The following ZNF780B variants were observed in gnomAD, a reference collection of about 807,000 sequenced individuals.
ZNF780B encodes zinc finger protein 779.
A neutral mutation model predicts 74.1 loss-of-function variants in ZNF780B; 52 were observed. That is an observed-to-expected ratio of 0.70 (90% confidence interval 0.56 to 0.88). The LOEUF (loss-of-function observed/expected upper bound fraction) is 0.88. Among genes scored for constraint, ZNF780B ranks in the 40% least tolerant of loss-of-function variants. ZNF780B has a pLI of 0.00. For synonymous variants in ZNF780B, 315 were observed against 324.3 expected, an observed-to-expected ratio of 0.97 and a Z score of 0.31; for missense variants, 953 against 1,007.6, an observed-to-expected ratio of 0.95 and a Z score of 0.73.
chr19:40,036,105 T>C lies in ZNF780B; in HGVS notation c.754A>G (p.Lys252Glu), dbSNP rs1972292437. 6.2e-7 allele frequency: 1 copy of C among 1,613,558 alleles called. No homozygotes were observed. Among genetic ancestry groups the C allele is most frequent in the Non-Finnish European group, 8.5e-7 (1 of 1,179,810 alleles). Residue 252 changes from lysine to glutamate, a missense_variant, in exon 5 of 5, where the codon AAG becomes GAG. Lys to Glu is a moderately conservative substitution (Grantham distance 56). Transcript: ENST00000434248. ...CGATTAAAAGACTTCCCACATTCCT[T>C]ACATTCAAACAGTTTCTTAACTGTG... ...IHTVKKLFEC[K>E]ECGKSFNRSS...
chr19:40,040,702 G>A (rs551310920), intron 4 of ZNF780B, among the ~76,000 whole-genome samples: 1 of 152,226 alleles, frequency 6.6e-6, no homozygotes, highest in East Asian at 1.9e-4. Context: ...TTGTGTAGAG[G>A]TGTTTGTAGT....
chr19:40,034,952 G>A lies in ZNF780B; in HGVS notation c.1907C>T (p.Thr636Ile), dbSNP rs375274140. The A allele has an allele frequency of 1.9e-6, 3 of 1,613,980 alleles. No homozygotes were observed. The African/African-American group carries it at 4.0e-5, about 22-fold the overall frequency. ...TQLNHHKNIH[T>I]GEKPFKCKEC... is the part of the protein sequence containing the mutation. ...TTTACATTTAAATGGCTTCTCACCTGTGTGAATGTTCTTATGGTGATTAAG... is the reference window on the plus strand; with the variant it reads ...TTTACATTTAAATGGCTTCTCACCTATGTGAATGTTCTTATGGTGATTAAG... The change falls in exon 5 of 5, where the codon ACA (threonine) becomes ATA (isoleucine). Residue 636 changes from threonine (T) to isoleucine (I), a missense_variant. Coordinates refer to ENST00000434248, the MANE Select transcript of ZNF780B (RefSeq NM_001005851.3).
rs75617535 is a variant in ZNF780B, at chr19:40,052,622, T to C, written c.-45-2245A>G. Among the ~76,000 whole-genome samples the C allele has an allele frequency of 4.5e-3, 681 of 150,234 alleles. 7 individuals carry two copies. Among genetic ancestry groups the C allele is most frequent in the African/African-American group, 0.016 (654 of 41,050 alleles). On this transcript the variant is annotated intron_variant, in intron 1 of 4. Coordinates refer to ENST00000434248, the MANE Select transcript of ZNF780B (RefSeq NM_001005851.3). ...TGCATAGAACCACAAAAGACCCAAATAGCCAAAGCAGTCTGGAGCAAAAAG... is the reference window on the plus strand; with the variant it reads ...TGCATAGAACCACAAAAGACCCAAACAGCCAAAGCAGTCTGGAGCAAAAAG...
At chr19:40,041,446 A>G (rs904115548) in intron 4 of ZNF780B, among the ~76,000 whole-genome samples, 1 of 152,026 alleles carries the variant, frequency 6.6e-6, no homozygotes, top group Non-Finnish European at 1.5e-5. Context: ...GCTGAGTTCA[A>G]TTTCTGGGTA....
intron 3 of ZNF780B, among the ~76,000 whole-genome samples, chr19:40,048,150 GTT>G (rs1973020621): frequency 6.6e-6 from 1 of 152,218 alleles, no homozygotes; most frequent in Admixed American, 6.5e-5. Context: ...GCTCTGTTTT[GTT>G]TTGTTTTTTT....
chr19:40,035,346 CTT>C lies in ZNF780B; in HGVS notation c.1511_1512del (p.Lys504ArgfsTer22). On this transcript the variant is annotated frameshift_variant, in exon 5 of 5. Transcript: ENST00000434248. LOFTEE classifies it high-confidence loss of function. ...CCACGATTGAAGGCCTTCCCACAGT[CTT>C]TACATTCAAATGGTTTCTCACCAGT... ...IHTGEKPFECKDCGKAFNRGS... is the reference protein window; with the variant it reads ...IHTGEKPFECXDCGKAFNRGS... 1 of 1,614,138 alleles carries C rather than the reference CTT, an allele frequency of 6.2e-7. No individual in the cohort carries two copies. The highest frequency in any genetic ancestry group is 1.1e-5 in the South Asian group (1 of 91,080).
Position 40,032,445 on chromosome 19 carries a change from A to C in ZNF780B, c.*1912T>G. On this transcript the variant is annotated 3_prime_UTR_variant, in exon 5 of 5. Coordinates refer to ENST00000434248, the MANE Select transcript of ZNF780B (RefSeq NM_001005851.3). ...GAAAATGAATAGCTGTAGGCCAGGCATGCTGGCTCATGCCTGTAATCCCAG... is the reference window on the plus strand; with the variant it reads ...GAAAATGAATAGCTGTAGGCCAGGCCTGCTGGCTCATGCCTGTAATCCCAG... 2 of 327,316 alleles carry C rather than the reference A, an allele frequency of 6.1e-6. No homozygotes were observed. Among genetic ancestry groups the C allele is most frequent in the Non-Finnish European group, 1.2e-5 (2 of 171,414 alleles). The allele number at this position is 327,316 out of a possible 1,614,324, so 20.3% of individuals were successfully genotyped here.
chr19:40,045,513 C>T (rs923161806), intron 4 of ZNF780B, among the ~76,000 whole-genome samples: 2 of 152,138 alleles, frequency 1.3e-5, no homozygotes, highest in South Asian at 4.1e-4. Flanking sequence ...AAAATGATAC[C>T]TGCACTTGTA....
Position 40,048,719 on chromosome 19 carries a change from G to T in ZNF780B, c.87C>A (p.Thr29=), listed in dbSNP as rs1286790138. Residue 29 remains threonine, a synonymous_variant, in exon 3 of 5, where the codon ACC becomes ACA. Transcript: ENST00000434248. ...TCTCCAACATCACATCCCTGTACAA[G>T]GTCCTCTGATCAGGCTGCAGGCACT... ...EWECLQPDQR[T]LYRDVMLENY... 1.9e-6 allele frequency: 3 copies of T among 1,614,040 alleles called. No homozygotes were observed. In the Admixed American group the frequency reaches 5.0e-5, roughly 27 times the overall value.
intron 2 of ZNF780B, 179 bp from the exon 3 acceptor site, chr19:40,048,975 G>A: frequency 1.0e-6 from 1 of 991,896 alleles, no homozygotes; most frequent in Non-Finnish European, 1.4e-6. Flanking sequence ...TGTTATACCA[G>A]CACTTTGGGA....
intron 1 of ZNF780B, among the ~76,000 whole-genome samples, chr19:40,051,219 C>G (rs1270637767): frequency 6.7e-6 from 1 of 148,868 alleles, no homozygotes; most frequent in African/African-American, 2.6e-5. Context: ...TATTCACACA[C>G]ACACACACAC....
rs61730564 is a variant in ZNF780B, at chr19:40,035,159, C to T, written c.1700G>A (p.Arg567His). 15,885 of 1,613,652 alleles carry T rather than the reference C, an allele frequency of 9.8e-3. 98 individuals carry two copies. The highest frequency in any genetic ancestry group is 0.011 in the Non-Finnish European group (13,207 of 1,179,790). The change falls in exon 5 of 5, where the codon CGT becomes CAT. Residue 567 changes from arginine (R) to histidine (H), a missense_variant. By Grantham distance (29) the Arg-to-His change is conservative. Coordinates refer to ENST00000434248, the MANE Select transcript of ZNF780B (RefSeq NM_001005851.3). ...ATGTTGATTAAGATTTGAACCACGACGAAAGAATTTCCCACATTCCTTACA... is the reference window on the plus strand; with the variant it reads ...ATGTTGATTAAGATTTGAACCACGATGAAAGAATTTCCCACATTCCTTACA... The part of the protein sequence containing the change: ...FECKECGKFF[R>H]RGSNLNQHRS...
At chr19:40,041,818 T>G (rs1421918351) in intron 4 of ZNF780B, among the ~76,000 whole-genome samples, 1 of 152,224 alleles carries the variant, frequency 6.6e-6, no homozygotes, top group East Asian at 1.9e-4. Flanking sequence ...GTGAGGTGGG[T>G]TTCCTGAATA....
intron 4 of ZNF780B, among the ~76,000 whole-genome samples, chr19:40,046,503 G>A (rs1489823023): frequency 6.6e-6 from 1 of 152,120 alleles, no homozygotes; most frequent in South Asian, 2.1e-4. Flanking sequence ...CTTTCTTCCC[G>A]CTGTTCCATT....
At chr19:40,041,442 T>C (rs1043932836) in intron 4 of ZNF780B, among the ~76,000 whole-genome samples, 28 of 152,212 alleles carry the variant, frequency 1.8e-4, no homozygotes, top group South Asian at 4.1e-4. Flanking sequence ...CAGAGCTGAG[T>C]TCAATTTCTG....
Position 40,029,520 on chromosome 19 carries a change from G to T in ZNF780B, c.*4837C>A, listed in dbSNP as rs1409190896. The T allele has an allele frequency of 6.5e-6, 1 of 154,812 alleles. No individual in the cohort carries two copies. Among genetic ancestry groups the T allele is most frequent in the Non-Finnish European group, 1.5e-5 (1 of 68,216 alleles). 9.6% of individuals were successfully genotyped at this position (154,812 alleles called of 1,614,324 possible). ...GCAAACAAGAGCAGATCATAGAAAT[G>T]TAAGTTGAGAAAATTCAGAGGGAAC... On this transcript the variant is annotated 3_prime_UTR_variant, in exon 5 of 5. Coordinates refer to ENST00000434248, the MANE Select transcript of ZNF780B (RefSeq NM_001005851.3).
At chr19:40,037,893 T>A (rs1313545353) in intron 4 of ZNF780B, among the ~76,000 whole-genome samples, 3 of 149,542 alleles carry the variant, frequency 2.0e-5, no homozygotes, top group Non-Finnish European at 1.5e-5. Flanking sequence ...TTTTTTTCTG[T>A]TTATATATAT....
At chr19:40,044,635 G>T (rs1213918314) in intron 4 of ZNF780B, among the ~76,000 whole-genome samples, 1 of 152,184 alleles carries the variant, frequency 6.6e-6, no homozygotes, top group East Asian at 1.9e-4. Context: ...CCTACACCTA[G>T]AAGTGAAAGG....
Position 40,034,617 on chromosome 19 carries a change from T to C in ZNF780B, c.2242A>G (p.Thr748Ala), listed in dbSNP as rs1465852060. The C allele has an allele frequency of 1.2e-6, 2 of 1,613,592 alleles. No individual in the cohort carries two copies. Reference protein sequence around the residue: ...TQLAQHQIIHTGEKPFKCKEC... With the variant: ...TQLAQHQIIHAGEKPFKCKEC... Reference sequence around the variant, plus strand: ...TTACATTTAAATGGCTTCTCACCAGTATGAATGATCTGATGTTGAGCAAGC... The same window carrying C: ...TTACATTTAAATGGCTTCTCACCAGCATGAATGATCTGATGTTGAGCAAGC... Residue 748 changes from threonine to alanine, a missense_variant, in exon 5 of 5, where the codon ACT (threonine) becomes GCT (alanine). Physicochemically the swap from Thr to Ala is moderately conservative, Grantham distance 58. Coordinates refer to ENST00000434248, the MANE Select transcript of ZNF780B (RefSeq NM_001005851.3).
Sources: gnomAD v4.1 joint callset for allele counts (sites outside exome capture counted in the v4.1 genomes callset) on GRCh38, gnomAD v4.1.1 for gene constraint, MANE v1.5 for transcripts, NCBI Gene and HGNC (gene_info 2026-07-23, HGNC 2026-07-21) for gene names.